TF: variants seen among roughly 807,000 people sequenced by gnomAD.
The protein encoded by TF is serotransferrin.
TF carries 55 observed loss-of-function variants against 82.4 expected under a neutral mutation model. The ratio of observed to expected loss-of-function variants is 0.67; its 90% CI spans 0.54 to 0.84. The LOEUF is 0.84. Among genes scored for constraint, TF ranks in the 40% least tolerant of loss-of-function variants. TF has a pLI of 0.00. For synonymous variants in TF, 332 were observed against 332.6 expected (o/e 1.00, Z 0.02); for missense variants, 737 against 868.4 (o/e 0.85, Z 1.90).
At chr3:133,762,679 T>C (rs566676641) in intron 9 of TF, among the ~76,000 whole-genome samples, 2 of 152,258 alleles carry the variant, frequency 1.3e-5, no homozygotes, top group South Asian at 2.1e-4. Context: ...AAGCTGCTAT[T>C]TGGGCGTGTC....
the TF span, among the ~76,000 whole-genome samples, chr3:133,719,890 G>C: frequency 1.3e-5 from 2 of 151,948 alleles, no homozygotes; most frequent in Admixed American, 6.6e-5. Context: ...TTATTTTCTT[G>C]ATTTCTTTTT....
chr3:133,712,314 G>A, the TF span, among the ~76,000 whole-genome samples: 1 of 152,124 alleles, frequency 6.6e-6, no homozygotes, highest in African/African-American at 2.4e-5. Context: ...AAAGGGCAAT[G>A]GCAGCAGAGC....
Position 133,779,148 on chromosome 3 carries a change from A to C in TF, c.*528A>C. 6.4e-6 allele frequency: 1 copy of C among 155,778 alleles called. No homozygotes were observed. Among genetic ancestry groups the C allele is most frequent in the Non-Finnish European group, 1.4e-5 (1 of 70,234 alleles). The allele number at this position is 155,778 out of a possible 1,614,324, so 9.6% of individuals were successfully genotyped here. On this transcript the variant is annotated 3_prime_UTR_variant, in exon 17 of 17. Coordinates refer to ENST00000402696, the MANE Select transcript of TF (RefSeq NM_001063.4). Reference sequence around the variant, plus strand: ...AAGACTTACCTTTATTTGGTATTTTAAATGAATTCCATCAGGCTGAGGTCC... The same window carrying C: ...AAGACTTACCTTTATTTGGTATTTTCAATGAATTCCATCAGGCTGAGGTCC...
chr3:133,682,650 G>A, the TF span, among the ~76,000 whole-genome samples: 1 of 152,118 alleles, frequency 6.6e-6, no homozygotes, highest in South Asian at 2.1e-4. Flanking sequence ...GAGAACAGAA[G>A]TTTAGAGAAA....
chr3:133,789,803 T>C lies in TF; in HGVS notation c.*11183T>C, dbSNP rs1182361214. 8 of 151,914 alleles carry C rather than the reference T, an allele frequency of 5.3e-5. No homozygotes were observed. Among genetic ancestry groups the C allele is most frequent in the Non-Finnish European group, 1.2e-4 (8 of 68,006 alleles). The allele number at this position is 151,914 out of a possible 1,614,324, so 9.4% of individuals were successfully genotyped here. A position where few individuals can be genotyped will look rare whatever the true frequency, so the allele number is the denominator to read the frequency against. ...GGGTTTTATATTTGTCTCTGCTAGA[T>C]ATTTTGAGGTGTTAGGGTTTGGCAT... On this transcript the variant is annotated 3_prime_UTR_variant, in exon 17 of 17. Transcript: ENST00000402696.
the TF span, among the ~76,000 whole-genome samples, chr3:133,689,798 G>A: frequency 4.7e-4 from 71 of 152,048 alleles, 1 homozygote; most frequent in Non-Finnish European, 4.4e-5. Context: ...TAGACATTAG[G>A]GCACGAGGGT....
At chr3:133,754,430 G>A in intron 3 of TF, 65 bp from the exon 4 acceptor site, 3 of 1,541,510 alleles carry the variant, frequency 1.9e-6, no homozygotes, top group Non-Finnish European at 2.7e-6. Flanking sequence ...CAAGAGTCCG[G>A]TGGTGATGAG....
the TF span, among the ~76,000 whole-genome samples, chr3:133,672,364 T>C: frequency 2.6e-5 from 4 of 151,522 alleles, no homozygotes; most frequent in Admixed American, 1.3e-4. Flanking sequence ...ATTAATTTTA[T>C]GAGCAATTAA....
At chr3:133,718,186 T>C in the TF span, among the ~76,000 whole-genome samples, 37 of 151,934 alleles carry the variant, frequency 2.4e-4, no homozygotes, top group African/African-American at 7.7e-4. Context: ...GAGAATAGGG[T>C]GGGATAAATG....
intron 13 of TF, among the ~76,000 whole-genome samples, chr3:133,768,784 ATTTTTTTTTTTTTT>A (rs5852766): frequency 1.2e-5 from 1 of 82,168 alleles, no homozygotes; most frequent in Non-Finnish European, 2.2e-5. Context: ...GTACCTTGCT[ATTTTTTTTTTTTTT>A]TTTTTTTTTT....
chr3:133,706,135 G>A, the TF span, among the ~76,000 whole-genome samples: 5 of 152,260 alleles, frequency 3.3e-5, no homozygotes, highest in South Asian at 1.0e-3. Flanking sequence ...GAAACCCCAG[G>A]CCCTTCCTGG....
chr3:133,749,184 G>A (rs1576354728), intron 2 of TF, among the ~76,000 whole-genome samples: 1 of 152,100 alleles, frequency 6.6e-6, no homozygotes, highest in African/African-American at 2.4e-5. Flanking sequence ...AAATAAGAAT[G>A]CCCACTATCA....
the TF span, among the ~76,000 whole-genome samples, chr3:133,735,026 C>T: frequency 6.6e-6 from 1 of 152,072 alleles, no homozygotes; most frequent in African/African-American, 2.4e-5. Flanking sequence ...CTTTTTTAGA[C>T]AACAAGGGTA....
chr3:133,726,099 G>C, the TF span, among the ~76,000 whole-genome samples: 1 of 152,190 alleles, frequency 6.6e-6, no homozygotes, highest in African/African-American at 2.4e-5. Context: ...GTTCATTAAG[G>C]ATATTGGTCT....
the TF span, among the ~76,000 whole-genome samples, chr3:133,710,587 C>T: frequency 2.0e-5 from 3 of 152,162 alleles, no homozygotes. Flanking sequence ...TCTTAACATC[C>T]CCCTGCCAAA....
the TF span, among the ~76,000 whole-genome samples, chr3:133,679,408 C>T: frequency 6.6e-6 from 1 of 152,140 alleles, no homozygotes. Context: ...AGTGAATCTT[C>T]GCAAATATAA....
At chr3:133,711,454 G>A in the TF span, among the ~76,000 whole-genome samples, 1 of 152,136 alleles carries the variant, frequency 6.6e-6, no homozygotes, top group Non-Finnish European at 1.5e-5. Flanking sequence ...CACCATCCCT[G>A]CCGAGCCTGG....
At chr3:133,723,789 T>C in the TF span, among the ~76,000 whole-genome samples, 16,845 of 151,810 alleles carry the variant, frequency 0.11, 1,212 homozygotes, top group Non-Finnish European at 0.15. Flanking sequence ...GTATATCTCC[T>C]AATGCTATCC....
In TF at chr3:133,764,162, G is replaced by C; in HGVS notation, c.1204-20G>C. ...GAAACAGCCTCTTTTCATCTGCTGT[G>C]ATTTGCTGTGTCTTTGCAGAATGGA... is the stretch of plus-strand genomic sequence containing the variant. On this transcript the variant is annotated intron_variant, in intron 9 of 16. Coordinates refer to ENST00000402696, the MANE Select transcript of TF (RefSeq NM_001063.4). 4 of 1,610,468 alleles carry C rather than the reference G, an allele frequency of 2.5e-6. No individual in the cohort carries two copies. The highest frequency in any genetic ancestry group is 3.4e-6 in the Non-Finnish European group (4 of 1,176,842).
Sources: allele counts gnomAD v4.1 joint callset (sites outside exome capture counted in the v4.1 genomes callset), GRCh38; gene constraint gnomAD v4.1.1; transcripts MANE v1.5; gene names NCBI Gene and HGNC (gene_info 2026-07-23, HGNC 2026-07-21).